Variants in ZNF224 observed in about 807,000 individuals in gnomAD.
ZNF224 encodes the protein bone marrow zinc finger 2.
In ZNF224, 8 loss-of-function variants were observed where a neutral mutation model predicts 10.5. The ratio of observed to expected loss-of-function variants is 0.76; its 90% CI spans 0.45 to 1.37. The LOEUF (loss-of-function observed/expected upper bound fraction) is 1.37. Among genes scored for constraint, ZNF224 ranks in the 40% most tolerant of loss-of-function variants. The pLI, the probability that ZNF224 is intolerant of heterozygous loss-of-function variation, is 0.00. For missense variants in ZNF224, 754 were observed against 854.0 expected, an observed-to-expected ratio of 0.88 and a Z score of 1.46; for synonymous variants, 282 against 287.8, an observed-to-expected ratio of 0.98 and a Z score of 0.20.
At position 44,107,366 on chromosome 19, in the gene ZNF224, T is replaced by G. The variant is rs1568532548; in HGVS notation, c.1206T>G (p.Cys402Trp). The change falls in exon 6 of 6, where the codon TGT becomes TGG. Residue 402 changes from cysteine (C) to tryptophan (W), a missense_variant. Cys to Trp is a radical substitution (Grantham distance 215). Coordinates refer to ENST00000693561, the MANE Select transcript of ZNF224 (RefSeq NM_001321645.3). ...RVHSGEKPFK[C>W]EECGKGFYTN... ...ACAGTGGAGAAAAACCATTCAAATG[T>G]GAAGAATGTGGGAAAGGATTTTACA... is the stretch of plus-strand genomic sequence containing the variant. 6.3e-7 allele frequency: 1 copy of G among 1,597,604 alleles called. No homozygotes were observed. Among genetic ancestry groups the G allele is most frequent in the East Asian group, 2.2e-5 (1 of 44,814 alleles).
chr19:44,109,465 T>TG lies in ZNF224; in HGVS notation c.*1186dup, dbSNP rs1041109379. ...TAATTTCATCAAATATATTCATTATTGGGGGCAGGAGTAACATTTAAATCC... is the reference window on the plus strand; with the variant it reads ...TAATTTCATCAAATATATTCATTATTGGGGGGCAGGAGTAACATTTAAATCC... On this transcript the variant is annotated 3_prime_UTR_variant, in exon 6 of 6. Coordinates refer to ENST00000693561, the MANE Select transcript of ZNF224 (RefSeq NM_001321645.3). 1.4e-4 allele frequency: 22 copies of TG among 152,174 alleles called. No individual in the cohort carries two copies. The highest frequency in any genetic ancestry group is 5.1e-4 in the African/African-American group (21 of 41,452). 9.4% of individuals were successfully genotyped at this position (152,174 alleles called of 1,614,324 possible).
At chr19:44,098,846 T>G (rs1289340737) in intron 3 of ZNF224, among the ~76,000 whole-genome samples, 2 of 152,242 alleles carry the variant, frequency 1.3e-5, no homozygotes, top group Non-Finnish European at 2.9e-5. Context: ...TCCAAAGTGC[T>G]GGAATTACAG....
At chr19:44,095,174 C>T (rs1382152280) in intron 1 of ZNF224, 3 of 230,928 alleles carry the variant, frequency 1.3e-5, no homozygotes, top group Non-Finnish European at 2.8e-5. Flanking sequence ...TGGTCCTTGG[C>T]TCTTTGACCG....
rs776852030 is a variant in ZNF224 at position 44,100,904 on chromosome 19, A to G, written c.119A>G (p.Asn40Ser). 3.1e-6 allele frequency: 5 copies of G among 1,613,880 alleles called. No homozygotes were observed. The highest frequency in any genetic ancestry group is 4.2e-6 in the Non-Finnish European group (5 of 1,179,970). Residue 40 changes from asparagine (N) to serine (S), a missense_variant, in exon 4 of 6, where the codon AAC (asparagine) becomes AGC (serine). Transcript: ENST00000693561. The part of the protein sequence containing the change: ...RKLYRDVMLE[N>S]FRNLLSVGHQ... The stretch of plus-strand genomic sequence containing the variant: ...CTGTATCGAGATGTGATGCTGGAGA[A>G]CTTCAGGAACCTGCTCTCAGTGGGT...
chr19:44,104,806 C>T (rs560811097), intron 5 of ZNF224, among the ~76,000 whole-genome samples: 3 of 152,156 alleles, frequency 2.0e-5, no homozygotes, highest in Admixed American at 6.5e-5. Flanking sequence ...GGACTACAGG[C>T]GCCCGCCACC....
In ZNF224 at chr19:44,106,700, G is replaced by A. The variant is rs149287683; in HGVS notation, c.540G>A (p.Glu180=). 1.9e-6 allele frequency: 3 copies of A among 1,604,462 alleles called. No individual in the cohort carries two copies. In the African/African-American group the frequency reaches 4.0e-5, roughly 21 times the overall value. The part of the protein sequence containing the change: ...HSGEKSHTCD[E]CGKNFCYISA... ...GAGAGAAATCTCATACGTGTGATGAGTGTGGAAAGAACTTTTGTTACATCT... is the reference window on the plus strand; with the variant it reads ...GAGAGAAATCTCATACGTGTGATGAATGTGGAAAGAACTTTTGTTACATCT... The change falls in exon 6 of 6, where the codon GAG becomes GAA. Residue 180 remains glutamate (E), a synonymous_variant. Coordinates refer to ENST00000693561, the MANE Select transcript of ZNF224 (RefSeq NM_001321645.3).
intron 5 of ZNF224, among the ~76,000 whole-genome samples, chr19:44,102,535 CG>C (rs1967571029): frequency 6.6e-6 from 1 of 152,164 alleles, no homozygotes; most frequent in Non-Finnish European, 1.5e-5. Flanking sequence ...ACACAAACTA[CG>C]GTGAAAGAGA....
At chr19:44,097,733 C>A in intron 2 of ZNF224, 73 bp from the exon 3 acceptor site, 1 of 844,926 alleles carries the variant, frequency 1.2e-6, no homozygotes, top group South Asian at 1.5e-5. Context: ...TCACAATACA[C>A]ATCCCTGTTG....
chr19:44,107,137 G>A lies in ZNF224; in HGVS notation c.977G>A (p.Arg326His), dbSNP rs200756732. The change falls in exon 6 of 6, where the codon CGT (arginine) becomes CAT (histidine). Residue 326 changes from arginine (R) to histidine (H), a missense_variant. Physicochemically the swap from Arg to His is conservative, Grantham distance 29. Transcript: ENST00000693561. ...FRCDTCDKSF[R>H]QRSALNSHRM... is the part of the protein sequence containing the mutation. ...TGTGATACGTGTGATAAGAGCTTTCGTCAGAGATCAGCACTTAATAGTCAT... is the reference window on the plus strand; with the variant it reads ...TGTGATACGTGTGATAAGAGCTTTCATCAGAGATCAGCACTTAATAGTCAT... The A allele has an allele frequency of 3.6e-5, 58 of 1,606,310 alleles. No homozygotes were observed. The highest frequency in any genetic ancestry group is 3.3e-4 in the South Asian group (30 of 89,944).
chr19:44,099,769 C>G (rs1336010910), intron 3 of ZNF224, among the ~76,000 whole-genome samples: 1 of 151,866 alleles, frequency 6.6e-6, no homozygotes, highest in African/African-American at 2.4e-5. Flanking sequence ...TTGCTTTTGG[C>G]TATGTTAAGA....
intron 1 of ZNF224, 122 bp from the exon 2 acceptor site, chr19:44,096,221 T>A (rs1409742903): frequency 6.6e-6 from 1 of 152,180 alleles, no homozygotes; most frequent in African/African-American, 2.4e-5. Context: ...AACTTTTTAT[T>A]TTCATGTCAT....
At chr19:44,097,667 G>T (rs1438325223) in intron 2 of ZNF224, 139 bp from the exon 3 acceptor site, 3 of 537,732 alleles carry the variant, frequency 5.6e-6, no homozygotes, top group Admixed American at 3.7e-5. Context: ...GGGCATTTTG[G>T]TTGTGCCGTT....
At chr19:44,101,764 G>C (rs191779948) in intron 5 of ZNF224, among the ~76,000 whole-genome samples, 12 of 152,280 alleles carry the variant, frequency 7.9e-5, no homozygotes, top group Admixed American at 7.8e-4. Context: ...CAAGTTGTCT[G>C]TAGGGCTTCA....
In ZNF224 at chr19:44,095,019, C is replaced by A. The variant is rs575500418; in HGVS notation, c.-158+489C>A. The A allele has an allele frequency of 1.2e-4, 24 of 201,586 alleles. 1 individual carries two copies. Among genetic ancestry groups the A allele is most frequent in the Non-Finnish European group, 2.0e-4 (19 of 93,542 alleles). The allele number at this position is 201,586 out of a possible 1,614,324, so 12.5% of individuals were successfully genotyped here. ...GGAGAGCGAGGGTTGCGTCCACTTT[C>A]ATGAAGGGAAAGGAGCATTTAACTT... On this transcript the variant is annotated intron_variant, in intron 1 of 5. Transcript: ENST00000693561.
intron 3 of ZNF224, among the ~76,000 whole-genome samples, chr19:44,099,822 G>T (rs8108404): frequency 0.62 from 91,799 of 148,522 alleles, 30,609 homozygotes; most frequent in Non-Finnish European, 0.79. Context: ...TTGAAGTTAG[G>T]TAAAAAAAAA....
chr19:44,108,297 G>A lies in ZNF224; in HGVS notation c.*13G>A, dbSNP rs1352550197. 1.3e-6 allele frequency: 2 copies of A among 1,591,232 alleles called. No individual in the cohort carries two copies. Among genetic ancestry groups the A allele is most frequent in the Non-Finnish European group, 1.7e-6 (2 of 1,168,922 alleles). ...AGAAAAACCTTAGTGATGTGATGGT[G>A]CAATAAAGTCTTCACTCAGTCTTCA... On this transcript the variant is annotated 3_prime_UTR_variant, in exon 6 of 6. Transcript: ENST00000693561.
At chr19:44,097,973 C>A in intron 3 of ZNF224, 85 bp downstream of exon 3, 1 of 1,481,466 alleles carries the variant, frequency 6.8e-7, no homozygotes, top group Non-Finnish European at 9.4e-7. Context: ...TGGGAAGACT[C>A]AAGGAGAAAA....
At chr19:44,098,887 AT>A (rs1485212686) in intron 3 of ZNF224, among the ~76,000 whole-genome samples, 1 of 152,096 alleles carries the variant, frequency 6.6e-6, no homozygotes, top group Non-Finnish European at 1.5e-5. Context: ...CCTAACCTAA[AT>A]TTTTTGTGCA....
chr19:44,108,640 A>AT lies in ZNF224; in HGVS notation c.*356_*357insT. 2.0e-6 allele frequency: 1 copy of AT among 504,230 alleles called. No individual in the cohort carries two copies. The highest frequency in any genetic ancestry group is 1.5e-5 in the South Asian group (1 of 68,814). 31.2% of individuals were successfully genotyped at this position (504,230 alleles called of 1,614,324 possible). A position where few individuals can be genotyped will look rare whatever the true frequency, so the allele number is the denominator to read the frequency against. ...AAGAGTAAGAGTTCATGAATTTACC[A>AT]GACTAATGGTGGACATGTCCAAATT... On this transcript the variant is annotated 3_prime_UTR_variant, in exon 6 of 6. Transcript: ENST00000693561.
Sources: gnomAD v4.1 joint callset for allele counts (sites outside exome capture counted in the v4.1 genomes callset) on GRCh38, gnomAD v4.1.1 for gene constraint, MANE v1.5 for transcripts, NCBI Gene and HGNC (gene_info 2026-07-23, HGNC 2026-07-21) for gene names.